The following CLIP2 variants were observed in gnomAD, a reference collection of about 807,000 sequenced individuals.
CLIP2 encodes the protein CAP-Gly domain containing linker protein 2, also known as CAP-Gly domain-containing linker protein 2.
In CLIP2, 41 loss-of-function variants were observed where a neutral mutation model predicts 111.7. The observed-to-expected ratio is 0.37, with a 90% CI of 0.29 to 0.48. The LOEUF is 0.48. CLIP2 is among the 20% of genes least tolerant of loss of function. The pLI is 0.99. For missense variants in CLIP2, 1,160 were observed against 1,422.1 expected (o/e 0.82, Z 2.96); for synonymous variants, 660 against 644.2 (o/e 1.02, Z -0.37).
chr7:74,290,107 C>T (rs1157985312), intron 1 of CLIP2, among the ~76,000 whole-genome samples: 1 of 152,198 alleles, frequency 6.6e-6, no homozygotes, highest in African/African-American at 2.4e-5. Context: ...CAGAGCAAGA[C>T]GGCTGGACGC....
chr7:74,364,993 TTGTGTGTGTGTGTGTGTGTGTGTGTGTG>T (rs10600630), intron 8 of CLIP2: 25 of 264,910 alleles, frequency 9.4e-5, no homozygotes, highest in African/African-American at 3.4e-4. Context: ...CTGTTTTTTG[TTGTGTGTGTGTGTGTGTGTGTGTGTGTG>T]TGTGTGTGTG....
chr7:74,361,864 G>A (rs190395406), intron 7 of CLIP2, among the ~76,000 whole-genome samples: 277 of 152,198 alleles, frequency 1.8e-3, no homozygotes, highest in Non-Finnish European at 3.5e-3. Flanking sequence ...ACTTTGGGAG[G>A]CCGAGGCAGG....
chr7:74,331,403 GAGCTTTGGCA>G (rs1230326938), intron 2 of CLIP2, among the ~76,000 whole-genome samples: 1 of 151,590 alleles, frequency 6.6e-6, no homozygotes, highest in Non-Finnish European at 1.5e-5. Flanking sequence ...GATGGTGGAG[GAGCTTTGGCA>G]AGAGCTGAGG....
intron 16 of CLIP2, among the ~76,000 whole-genome samples, chr7:74,402,888 C>T (rs1415360466): frequency 2.0e-5 from 3 of 151,998 alleles, no homozygotes; most frequent in Non-Finnish European, 4.4e-5. Context: ...GGCCACCCTG[C>T]GAGACACATG....
chr7:74,385,946 T>C (rs1338694371), intron 11 of CLIP2, among the ~76,000 whole-genome samples: 5 of 151,764 alleles, frequency 3.3e-5, no homozygotes, highest in Non-Finnish European at 7.4e-5. Context: ...TTCTCCATGT[T>C]GGTCAGGCTG....
At chr7:74,375,546 CAAAAAAAAAAAAAA>C (rs34885959) in intron 9 of CLIP2, among the ~76,000 whole-genome samples, 2 of 33,160 alleles carry the variant, frequency 6.0e-5, no homozygotes, top group South Asian at 2.3e-3. Flanking sequence ...GAGCGAGACT[CAAAAAAAAAAAAAA>C]AAAAAAAAAA....
rs1554314842 is a variant in CLIP2, at chr7:74,386,615, C to T, written c.2563+11C>T. The T allele has an allele frequency of 9.4e-6, 15 of 1,596,608 alleles. No homozygotes were observed. In the East Asian group the frequency reaches 3.4e-4, roughly 37 times the overall value. On this transcript the variant is annotated intron_variant, in intron 12 of 16. Coordinates refer to ENST00000223398, the MANE Select transcript of CLIP2 (RefSeq NM_003388.5). ...GGGCCCAAGTAAGTGGTAAGTCTCC[C>T]TCCCGCAGGGCAGATGCGGGGGGCT...
chr7:74,380,312 A>G (rs1790908009), intron 10 of CLIP2: 1 of 152,156 alleles, frequency 6.6e-6, no homozygotes, highest in Non-Finnish European at 1.5e-5. Flanking sequence ...TTATTATTAA[A>G]AAGAAATGTT....
At position 74,360,286 on chromosome 7, in the gene CLIP2, C is replaced by A. The variant is rs782273306; in HGVS notation, c.1319+8C>A. On this transcript the variant is annotated splice_region_variant and intron_variant, in intron 7 of 16. Coordinates refer to ENST00000223398, the MANE Select transcript of CLIP2 (RefSeq NM_003388.5). ...GCTGGAGGAGGAGAGGAGGTACGTG[C>A]TGGCCCACCCTCGCCCTGGCCCTGA... 2 of 1,579,000 alleles carry A rather than the reference C, an allele frequency of 1.3e-6. No individual in the cohort carries two copies. The highest frequency in any genetic ancestry group is 1.7e-6 in the Non-Finnish European group (2 of 1,160,204).
intron 3 of CLIP2, among the ~76,000 whole-genome samples, chr7:74,349,039 A>G (rs1426850246): frequency 2.6e-5 from 4 of 152,112 alleles, no homozygotes; most frequent in African/African-American, 7.2e-5. Context: ...ATTATTCATA[A>G]TAGCCAAAAA....
chr7:74,314,621 G>T (rs1401539912), intron 1 of CLIP2, among the ~76,000 whole-genome samples: 1 of 152,230 alleles, frequency 6.6e-6, no homozygotes, highest in Non-Finnish European at 1.5e-5. Context: ...CCAGACATGA[G>T]GATGCTTTTG....
chr7:74,342,334 C>G (rs1489555783), intron 3 of CLIP2, among the ~76,000 whole-genome samples: 2 of 151,894 alleles, frequency 1.3e-5, no homozygotes, highest in Non-Finnish European at 2.9e-5. Flanking sequence ...CGAGATCACG[C>G]CATTGCACTC....
rs1402836561 is a variant in CLIP2 at position 74,312,552 on chromosome 7, C to G, written c.-67-4928C>G. On this transcript the variant is annotated intron_variant, in intron 1 of 16. Coordinates refer to ENST00000223398, the MANE Select transcript of CLIP2 (RefSeq NM_003388.5). ...TTTGCTGGCATTGGAAATGCTGACC[C>G]AGCCTAACCAAGCTCTCGGAGAGCT... Among the ~76,000 whole-genome samples the G allele has an allele frequency of 2.0e-5, 3 of 152,324 alleles. No individual in the cohort carries two copies. The East Asian group carries it at 5.8e-4, about 29-fold the overall frequency.
intron 2 of CLIP2, among the ~76,000 whole-genome samples, chr7:74,321,557 C>G (rs1554730026): frequency 6.6e-6 from 1 of 151,958 alleles, no homozygotes; most frequent in Non-Finnish European, 1.5e-5. Flanking sequence ...GCAACCTCCA[C>G]CTCCCGGGTT....
intron 1 of CLIP2, among the ~76,000 whole-genome samples, chr7:74,308,965 T>G (rs1788566623): frequency 6.6e-6 from 1 of 152,246 alleles, no homozygotes; most frequent in Non-Finnish European, 1.5e-5. Flanking sequence ...CCTCCTGGGC[T>G]GAAGCAATCC....
rs782037078 is a variant in CLIP2, at chr7:74,311,257, G to A, written c.-67-6223G>A. ...GCCTCCCAAAGTGCCGGGATTACAG[G>A]CATGAGCCACTGCACTCGGCCACTA... On this transcript the variant is annotated intron_variant, in intron 1 of 16. Transcript: ENST00000223398. Among the ~76,000 whole-genome samples, 58 of 152,302 alleles carry A rather than the reference G, an allele frequency of 3.8e-4. 1 individual carries two copies. The Middle Eastern group carries it at 0.02, about 54-fold the overall frequency.
intron 8 of CLIP2, among the ~76,000 whole-genome samples, chr7:74,367,195 A>T (rs186302686): frequency 0.012 from 1,827 of 147,776 alleles, 33 homozygotes; most frequent in African/African-American, 0.04. Context: ...TTTAAAAAAA[A>T]TTTTTTTTTT....
At chr7:74,401,239 G>C (rs1455745884) in intron 15 of CLIP2, among the ~76,000 whole-genome samples, 1 of 152,194 alleles carries the variant, frequency 6.6e-6, no homozygotes, top group Non-Finnish European at 1.5e-5. Context: ...TCTGTCCTGG[G>C]AACCCAGCTG....
intron 13 of CLIP2, among the ~76,000 whole-genome samples, chr7:74,394,460 G>A (rs1444090927): frequency 5.3e-5 from 8 of 151,970 alleles, no homozygotes; most frequent in African/African-American, 1.9e-4. Flanking sequence ...ATGTTGGTCA[G>A]GCTGGTCTCA....
Sources: allele counts gnomAD v4.1 joint callset (sites outside exome capture counted in the v4.1 genomes callset), GRCh38; gene constraint gnomAD v4.1.1; transcripts MANE v1.5; gene names NCBI Gene and HGNC (gene_info 2026-07-23, HGNC 2026-07-21).